HOTAIR: variants seen among roughly 807,000 people sequenced by gnomAD.
The protein encoded by HOTAIR is HOX transcript antisense RNA (non-protein coding).
chr12:53,962,762 T>A (rs1177749242), exon 7 of HOTAIR: 2 of 152,150 alleles, frequency 1.3e-5, no homozygotes, highest in Admixed American at 6.6e-5. Flanking sequence ...CCCTTCTGTG[T>A]CTACATGCAT....
At chr12:53,968,725 A>G (rs1306064006) in exon 2 of HOTAIR, 1 of 152,438 alleles carries the variant, frequency 6.6e-6, no homozygotes, top group African/African-American at 2.4e-5. Context: ...AAATCAGGGC[A>G]GAATGTGCAG....
At chr12:53,968,659 C>G (rs1235771740) in exon 2 of HOTAIR, 2 of 152,396 alleles carry the variant, frequency 1.3e-5, no homozygotes, top group African/African-American at 4.8e-5. Context: ...GGATCAAGCT[C>G]CAGAGCACAG....
chr12:53,965,127 ATC>A (rs997804774), intron 5 of HOTAIR, among the ~76,000 whole-genome samples: 21 of 152,336 alleles, frequency 1.4e-4, no homozygotes, highest in African/African-American at 4.6e-4. Flanking sequence ...ATATGCTTTA[ATC>A]TCTATAAATC....
intron 1 of HOTAIR, among the ~76,000 whole-genome samples, chr12:53,969,846 C>A (rs887186419): frequency 6.6e-6 from 1 of 152,148 alleles, no homozygotes; most frequent in Non-Finnish European, 1.5e-5. Context: ...AGTTCATGGT[C>A]TGTGGGATGG....
intron 5 of HOTAIR, chr12:53,964,395 G>A (rs1426949206): frequency 6.6e-6 from 1 of 152,112 alleles, no homozygotes; most frequent in African/African-American, 2.4e-5. Context: ...ACTCAAAAAA[G>A]GGGGAAGGGA....
intron 1 of HOTAIR, among the ~76,000 whole-genome samples, chr12:53,969,404 T>C (rs767781017): frequency 1.2e-4 from 18 of 152,208 alleles, no homozygotes; most frequent in Admixed American, 2.6e-4. Flanking sequence ...ACCTCCTCCA[T>C]AGGTCCCAGG....
At chr12:53,970,496 A>G (rs1939131972) in intron 1 of HOTAIR, among the ~76,000 whole-genome samples, 1 of 152,214 alleles carries the variant, frequency 6.6e-6, no homozygotes, top group Admixed American at 6.5e-5. Flanking sequence ...CCTTGACCGT[A>G]GCAGCAACTG....
chr12:53,967,850 C>T (rs948454849), intron 2 of HOTAIR, among the ~76,000 whole-genome samples: 12 of 152,122 alleles, frequency 7.9e-5, no homozygotes, highest in Non-Finnish European at 1.5e-4. Flanking sequence ...GATTTAGGGA[C>T]TTGCAGAGAG....
At chr12:53,963,527 G>A (rs536546782) in exon 7 of HOTAIR, 1 of 152,376 alleles carries the variant, frequency 6.6e-6, no homozygotes, top group African/African-American at 2.4e-5. Flanking sequence ...TGAGTCCATG[G>A]GTTCCGTGTA....
In HOTAIR at chr12:53,973,598, C is replaced by A; in HGVS notation, n.59+1300G>T. 1 of 1,613,620 alleles carries A rather than the reference C, an allele frequency of 6.2e-7. No individual in the cohort carries two copies. The highest frequency in any genetic ancestry group is 8.5e-7 in the Non-Finnish European group (1 of 1,180,012). On this transcript the variant is annotated intron_variant and non_coding_transcript_variant, in intron 1 of 6. Coordinates refer to ENST00000424518, the Ensembl canonical transcript of HOTAIR. The surrounding 1 kb of genome is among the most constrained non-coding windows in gnomAD (Gnocchi z 4.3). ...CCGAGATCCTCATGAAAAACGAAGGCTCCTACGGCGGCCACCACCACCCCA... is the reference window on the plus strand; with the variant it reads ...CCGAGATCCTCATGAAAAACGAAGGATCCTACGGCGGCCACCACCACCCCA...
At chr12:53,971,601 G>T (rs1003896859) in intron 1 of HOTAIR, among the ~76,000 whole-genome samples, 2 of 152,218 alleles carry the variant, frequency 1.3e-5, no homozygotes, top group Non-Finnish European at 2.9e-5. Flanking sequence ...GAGAGTTCGG[G>T]CTATTTTTTG....
At chr12:53,970,598 G>A (rs1212199122) in intron 1 of HOTAIR, among the ~76,000 whole-genome samples, 1 of 152,190 alleles carries the variant, frequency 6.6e-6, no homozygotes, top group East Asian at 1.9e-4. Flanking sequence ...TTTAAGGGGA[G>A]GAATATTACT....
intron 1 of HOTAIR, among the ~76,000 whole-genome samples, chr12:53,970,593 G>A (rs1442932377): frequency 3.3e-5 from 5 of 152,352 alleles, no homozygotes; most frequent in African/African-American, 4.8e-5. Flanking sequence ...TTACTTTTAA[G>A]GGGAGGAATA....
intron 1 of HOTAIR, among the ~76,000 whole-genome samples, chr12:53,974,557 G>A (rs1037677755): frequency 1.3e-5 from 2 of 152,144 alleles, no homozygotes; most frequent in Admixed American, 6.5e-5. Flanking sequence ...GCGAGGCGGC[G>A]CAGGACTCCA....
intron 1 of HOTAIR, among the ~76,000 whole-genome samples, chr12:53,971,989 A>G (rs1015582728): frequency 6.6e-6 from 1 of 152,176 alleles, no homozygotes; most frequent in African/African-American, 2.4e-5. Context: ...TTGACTAGGG[A>G]GTGGCCGCTG....
In HOTAIR at chr12:53,973,634, C is replaced by T. The variant is rs948583306; in HGVS notation, n.59+1264G>A. 8 of 1,613,652 alleles carry T rather than the reference C, an allele frequency of 5.0e-6. No individual in the cohort carries two copies. In the African/African-American group the frequency reaches 5.3e-5, roughly 11 times the overall value. ...GCCACCACCACCCCAGCGCCCCGCA[C>T]GCAACCCCCGCCGGCTTCTACTCCT... On this transcript the variant is annotated intron_variant and non_coding_transcript_variant, in intron 1 of 6. Transcript: ENST00000424518. This position sits in a 1 kb window ranked among gnomAD's most constrained non-coding sequence, Gnocchi z 4.3.
At chr12:53,967,768 T>C (rs1248729223) in intron 2 of HOTAIR, among the ~76,000 whole-genome samples, 1 of 152,112 alleles carries the variant, frequency 6.6e-6, no homozygotes, top group African/African-American at 2.4e-5. Context: ...GTGGGAAAGA[T>C]AGAGATAGCC....
chr12:53,973,286 C>G lies in HOTAIR; in HGVS notation n.59+1612G>C. ...TGGGCAACTTCTGCTCTCCGTCGCG[C>G]AAGGAGAGGGGCGCAGATTTCGGCG... is the stretch of plus-strand genomic sequence containing the variant. On this transcript the variant is annotated intron_variant and non_coding_transcript_variant, in intron 1 of 6. Transcript: ENST00000424518. This position sits in a 1 kb window ranked among gnomAD's most constrained non-coding sequence, Gnocchi z 4.3. 2 of 1,613,638 alleles carry G rather than the reference C, an allele frequency of 1.2e-6. No individual in the cohort carries two copies. The highest frequency in any genetic ancestry group is 1.7e-6 in the Non-Finnish European group (2 of 1,179,908).
In HOTAIR at chr12:53,973,105, A is replaced by G; in HGVS notation, n.59+1793T>C. The stretch of plus-strand genomic sequence containing the variant: ...GCGAAGTGCTCCGAACTGATATATG[A>G]CAATATCTACTTTGGATCACGTGCT... On this transcript the variant is annotated intron_variant and non_coding_transcript_variant, in intron 1 of 6. Coordinates refer to ENST00000424518, the Ensembl canonical transcript of HOTAIR. The surrounding 1 kb of genome is among the most constrained non-coding windows in gnomAD (Gnocchi z 4.3). 1.5e-6 allele frequency: 1 copy of G among 661,070 alleles called. No homozygotes were observed. Among genetic ancestry groups the G allele is most frequent in the Non-Finnish European group, 2.5e-6 (1 of 396,852 alleles). 41.0% of individuals were successfully genotyped at this position (661,070 alleles called of 1,614,324 possible).
Sources: allele counts gnomAD v4.1 joint callset (sites outside exome capture counted in the v4.1 genomes callset), GRCh38; gene constraint gnomAD v4.1.1; non-coding constraint Gnocchi (gnomAD v3.1); transcripts MANE v1.5; gene names NCBI Gene and HGNC (gene_info 2026-07-23, HGNC 2026-07-21).